KRT36: variants seen among roughly 807,000 people sequenced by gnomAD.
The protein encoded by KRT36 is keratin 36.
KRT36 carries 41 observed loss-of-function variants against 43.0 expected under a neutral mutation model. The ratio of observed to expected loss-of-function variants is 0.95; its 90% CI spans 0.74 to 1.24. The LOEUF (loss-of-function observed/expected upper bound fraction) is 1.24, where lower values mean the gene tolerates loss of function less well. Among genes scored for constraint, KRT36 ranks in the 50% most tolerant of loss-of-function variants. The pLI is 0.00. For synonymous variants in KRT36, 277 were observed against 252.9 expected, an observed-to-expected ratio of 1.10 and a Z score of -0.90; for missense variants, 627 against 595.3, an observed-to-expected ratio of 1.05 and a Z score of -0.55.
At chr17:41,487,880 C>T in intron 3 of KRT36, 143 bp from the exon 4 acceptor site, 1 of 814,620 alleles carries the variant, frequency 1.2e-6, no homozygotes. Flanking sequence ...GAGCCTTGGT[C>T]TCCTTCTCCG....
In KRT36 at chr17:41,486,555, A is replaced by C; in HGVS notation, c.1225T>G (p.Cys409Gly). ...ATAACAGGCTTGCATGCCGTGGCACAAGGTTGGGGAGGAAGCCTGAGGAAA... is the reference window on the plus strand; with the variant it reads ...ATAACAGGCTTGCATGCCGTGGCACCAGGTTGGGGAGGAAGCCTGAGGAAA... ...GEDCKLPPQP[C>G]ATACKPVIRV... The change falls in exon 7 of 7, where the codon TGT becomes GGT. Residue 409 changes from cysteine to glycine, a missense_variant. Cys to Gly is a radical substitution (Grantham distance 159). Transcript: ENST00000328119. 1.0e-5 allele frequency: 16 copies of C among 1,581,394 alleles called. No homozygotes were observed. The highest frequency in any genetic ancestry group is 1.4e-5 in the Non-Finnish European group (16 of 1,164,524).
At position 41,486,292 on chromosome 17, in the gene KRT36, G is replaced by A; in HGVS notation, c.*84C>T. The A allele has an allele frequency of 8.7e-7, 1 of 1,154,736 alleles. No individual in the cohort carries two copies. The highest frequency in any genetic ancestry group is 2.0e-5 in the Admixed American group (1 of 50,028). 71.5% of individuals were successfully genotyped at this position (1,154,736 alleles called of 1,614,324 possible). On this transcript the variant is annotated 3_prime_UTR_variant, in exon 7 of 7. Transcript: ENST00000328119. ...GCGTAGGGGGACCCCTCTAGAGAAG[G>A]GCAGGGTCGTTAAGCCTCCAGGAGC...
intron 6 of KRT36, 62 bp downstream of exon 6, chr17:41,486,888 G>C: frequency 6.8e-7 from 1 of 1,471,170 alleles, no homozygotes. Context: ...TTCTGGGCTT[G>C]ACGCCCTCCA....
At position 41,487,547 on chromosome 17, in the gene KRT36, C is replaced by A. The variant is rs778728375; in HGVS notation, c.861+29G>T. Reference sequence around the variant, plus strand: ...TCCAAGGGTAACCCCAGCCCAGGAGCCTGTGGTCCCAGGGCACCCCAGCCC... The same window carrying A: ...TCCAAGGGTAACCCCAGCCCAGGAGACTGTGGTCCCAGGGCACCCCAGCCC... On this transcript the variant is annotated intron_variant, in intron 4 of 6. Transcript: ENST00000328119. 5 of 1,612,698 alleles carry A rather than the reference C, an allele frequency of 3.1e-6. No homozygotes were observed. In the African/African-American group the frequency reaches 6.7e-5, roughly 22 times the overall value.
At position 41,486,210 on chromosome 17, in the gene KRT36, G is replaced by T; in HGVS notation, c.*166C>A. The T allele has an allele frequency of 1.7e-6, 1 of 592,884 alleles. No homozygotes were observed. The allele number at this position is 592,884 out of a possible 1,614,324, so 36.7% of individuals were successfully genotyped here. On this transcript the variant is annotated 3_prime_UTR_variant, in exon 7 of 7. Transcript: ENST00000328119. ...AAACCTGGTTTTGCATGGCGTAAAA[G>T]CACAGTTAAGTCCGGAAACACAATA...
At chr17:41,489,091 C>G (rs1167879335) in intron 1 of KRT36, among the ~76,000 whole-genome samples, 2 of 152,148 alleles carry the variant, frequency 1.3e-5, no homozygotes, top group Non-Finnish European at 2.9e-5. Flanking sequence ...ACCAATCTCT[C>G]CAAGATGAAG....
intron 6 of KRT36, 68 bp downstream of exon 6, chr17:41,486,882 G>A: frequency 7.0e-7 from 1 of 1,429,730 alleles, no homozygotes; most frequent in Non-Finnish European, 9.6e-7. Flanking sequence ...AACCACTTCT[G>A]GGCTTGACGC....
At position 41,489,724 on chromosome 17, in the gene KRT36, C is replaced by G. The variant is rs746629464; in HGVS notation, c.141G>C (p.Gly47=). ...GGCCCGACCTAGCAGAAGAGATGTA[C>G]CCTGCAGCACCGGCGAGACTGGGGA... ...CRVPSLAGAA[G]YISSARSGLS... The change falls in exon 1 of 7, where the codon GGG becomes GGC. Residue 47 remains glycine (G), a synonymous_variant. Coordinates refer to ENST00000328119, the MANE Select transcript of KRT36 (RefSeq NM_003771.5). 1.2e-6 allele frequency: 2 copies of G among 1,613,996 alleles called. No homozygotes were observed. Among genetic ancestry groups the G allele is most frequent in the Non-Finnish European group, 1.7e-6 (2 of 1,180,030 alleles).
At chr17:41,489,225 CA>C (rs1434949933) in intron 1 of KRT36, among the ~76,000 whole-genome samples, 180 bp downstream of exon 1, 1 of 152,098 alleles carries the variant, frequency 6.6e-6, no homozygotes, top group African/African-American at 2.4e-5. Flanking sequence ...CAACAAGGTA[CA>C]AGCAAGAGAC....
chr17:41,487,897 C>A (rs1239614215), intron 3 of KRT36, among the ~76,000 whole-genome samples, 160 bp from the exon 4 acceptor site: 1 of 152,222 alleles, frequency 6.6e-6, no homozygotes, highest in African/African-American at 2.4e-5. Flanking sequence ...TCCGTATATA[C>A]CTACCTCCTT....
chr17:41,487,617 C>G lies in KRT36; in HGVS notation c.820G>C (p.Glu274Gln). 1 of 1,614,204 alleles carries G rather than the reference C, an allele frequency of 6.2e-7. No homozygotes were observed. The highest frequency in any genetic ancestry group is 8.5e-7 in the Non-Finnish European group (1 of 1,180,008). ...GCCTCCACATCTCTGCGGTTATTCT[C>G]CACCAGGGCCTCGTACTGGCATCTC... is the stretch of plus-strand genomic sequence containing the variant. ...DMRCQYEALV[E>Q]NNRRDVEAWF... Residue 274 changes from glutamate (E) to glutamine (Q), a missense_variant, in exon 4 of 7, where the codon GAG (glutamate) becomes CAG (glutamine). By Grantham distance (29) the Glu-to-Gln change is conservative. Coordinates refer to ENST00000328119, the MANE Select transcript of KRT36 (RefSeq NM_003771.5).
chr17:41,488,295 T>C lies in KRT36; in HGVS notation c.647A>G (p.Gln216Arg), dbSNP rs764011875. ...LTLCKADLEA[Q>R]VESLKEELMC... ...CAGCTCCTCCTTCAGGGACTCCACC[T>C]GAGCCTCCAGGTCAGCCTTGCACAG... The change falls in exon 3 of 7, where the codon CAG becomes CGG. Residue 216 changes from glutamine to arginine, a missense_variant. Physicochemically the swap from Gln to Arg is conservative, Grantham distance 43. Coordinates refer to ENST00000328119, the MANE Select transcript of KRT36 (RefSeq NM_003771.5). The C allele has an allele frequency of 1.9e-6, 3 of 1,614,050 alleles. No individual in the cohort carries two copies. Among genetic ancestry groups the C allele is most frequent in the Non-Finnish European group, 2.5e-6 (3 of 1,180,012 alleles).
Position 41,489,354 on chromosome 17 carries a change from CG to C in KRT36, c.459+51del, listed in dbSNP as rs1391603382. On this transcript the variant is annotated intron_variant, in intron 1 of 6. Coordinates refer to ENST00000328119, the MANE Select transcript of KRT36 (RefSeq NM_003771.5). ...TGGAAAGGCCCTGGAATGAGACAGA[CG>C]CCTCCTAAGAGTTGGGCTGCTCAGC... The C allele has an allele frequency of 1.6e-5, 25 of 1,559,842 alleles. No individual in the cohort carries two copies. The African/African-American group carries it at 2.9e-4, about 18-fold the overall frequency.
chr17:41,489,632 A>T lies in KRT36; in HGVS notation c.233T>A (p.Val78Glu). ...CTCGCAGAACCAGCCCCCGCTCCCC[A>T]CAAAGCCAGAGGTGTGGCACTCAGA... The part of the protein sequence containing the change: ...LSSECHTSGF[V>E]GSGGWFCEGS... Residue 78 changes from valine (V) to glutamate (E), a missense_variant, in exon 1 of 7, where the codon GTG becomes GAG. Val to Glu is a moderately radical substitution (Grantham distance 121, BLOSUM62 -2). Transcript: ENST00000328119. The T allele has an allele frequency of 6.2e-7, 1 of 1,614,146 alleles. No homozygotes were observed. The highest frequency in any genetic ancestry group is 8.5e-7 in the Non-Finnish European group (1 of 1,180,032).
chr17:41,488,180 G>C, intron 3 of KRT36, 63 bp downstream of exon 3: 4 of 1,529,814 alleles, frequency 2.6e-6, no homozygotes, highest in Non-Finnish European at 2.7e-6. Context: ...AAAACTGAAA[G>C]CCCAGCAGTG....
At chr17:41,487,974 C>T (rs1410428916) in intron 3 of KRT36, among the ~76,000 whole-genome samples, 1 of 152,188 alleles carries the variant, frequency 6.6e-6, no homozygotes, top group Non-Finnish European at 1.5e-5. Context: ...GGCACTAGAG[C>T]CCAAATAGAC....
rs781275139 is a variant in KRT36, at chr17:41,489,788, G to C, written c.77C>G (p.Ser26Cys). Residue 26 changes from serine (S) to cysteine (C), a missense_variant, in exon 1 of 7, where the codon TCT (serine) becomes TGT (cysteine). By Grantham distance (112) the Ser-to-Cys change is moderately radical. Transcript: ENST00000328119. ...CACAGAACGGATGGAGGACACCCGA[G>C]AGATGCCGCCTGCTGTGCCACAGAG... ...KGLCGTAGGISRVSSIRSVGS... is the reference protein window; with the variant it reads ...KGLCGTAGGICRVSSIRSVGS... The C allele has an allele frequency of 6.2e-7, 1 of 1,613,890 alleles. No homozygotes were observed. The highest frequency in any genetic ancestry group is 2.2e-5 in the East Asian group (1 of 44,854).
chr17:41,488,479 C>T, intron 2 of KRT36, 80 bp from the exon 3 acceptor site: 1 of 1,563,944 alleles, frequency 6.4e-7, no homozygotes, highest in South Asian at 1.2e-5. Flanking sequence ...TGTCCAGCTG[C>T]AGTGGCTGAC....
Position 41,486,345 on chromosome 17 carries a change from A to G in KRT36, c.*31T>C. 6.2e-7 allele frequency: 1 copy of G among 1,603,124 alleles called. No individual in the cohort carries two copies. The highest frequency in any genetic ancestry group is 8.5e-7 in the Non-Finnish European group (1 of 1,172,492). ...CAGGGGTGTCCTCCTTCCTGTGGTC[A>G]GGGCCCTGCCCTGGTGGACCAAGTG... On this transcript the variant is annotated 3_prime_UTR_variant, in exon 7 of 7. Coordinates refer to ENST00000328119, the MANE Select transcript of KRT36 (RefSeq NM_003771.5).
Sources: allele counts gnomAD v4.1 joint callset (sites outside exome capture counted in the v4.1 genomes callset), GRCh38; gene constraint gnomAD v4.1.1; transcripts MANE v1.5; gene names NCBI Gene and HGNC (gene_info 2026-07-23, HGNC 2026-07-21).